The following MINDY3 variants were observed in gnomAD, a reference collection of about 807,000 sequenced individuals.
The protein encoded by MINDY3 is MINDY lysine 48 deubiquitinase 3.
Under a neutral mutation model 69.2 loss-of-function variants are expected in MINDY3, and 38 were observed. That is an observed-to-expected ratio of 0.55 (90% CI 0.42 to 0.72). MINDY3 has a LOEUF of 0.72. Among genes scored for constraint, MINDY3 ranks in the 30% least tolerant of loss-of-function variants. The pLI, the probability that MINDY3 is intolerant of heterozygous loss-of-function variation, is 0.00. For synonymous variants in MINDY3, 192 were observed against 180.1 expected (o/e 1.07, Z -0.53); for missense variants, 522 against 519.0 (o/e 1.01, Z -0.06).
At chr10:15,808,204 T>A (rs1420130404) in intron 10 of MINDY3, among the ~76,000 whole-genome samples, 1 of 152,190 alleles carries the variant, frequency 6.6e-6, no homozygotes, top group African/African-American at 2.4e-5. Flanking sequence ...ACAGAAGTTA[T>A]GATTAAACTA....
At chr10:15,789,909 G>A (rs1837284285) in intron 11 of MINDY3, among the ~76,000 whole-genome samples, 1 of 152,086 alleles carries the variant, frequency 6.6e-6, no homozygotes, top group Admixed American at 6.6e-5. Context: ...TATGGAAAAT[G>A]GTCCAAACTC....
chr10:15,803,996 C>T (rs762323705), intron 10 of MINDY3, among the ~76,000 whole-genome samples: 12 of 151,948 alleles, frequency 7.9e-5, no homozygotes, highest in Non-Finnish European at 1.3e-4. Flanking sequence ...AGGAAGAGAT[C>T]CTACACATGA....
intron 10 of MINDY3, among the ~76,000 whole-genome samples, chr10:15,811,170 AAAC>A (rs1236659431): frequency 6.6e-6 from 1 of 152,148 alleles, no homozygotes; most frequent in Non-Finnish European, 1.5e-5. Flanking sequence ...AGAAAAGAAA[AAAC>A]AACTCAATAA....
chr10:15,799,560 T>G lies in MINDY3; in HGVS notation c.883-3388A>C, dbSNP rs1401531555. ...GGGGGAGTAAAGACATCTTAATCACTTTTACAGATTTTACAAAGAATATAT... is the reference window on the plus strand; with the variant it reads ...GGGGGAGTAAAGACATCTTAATCACGTTTACAGATTTTACAAAGAATATAT... On this transcript the variant is annotated intron_variant, in intron 10 of 14. Coordinates refer to ENST00000277632, the MANE Select transcript of MINDY3 (RefSeq NM_024948.4). Among the ~76,000 whole-genome samples the G allele has an allele frequency of 3.3e-5, 5 of 152,052 alleles. No homozygotes were observed. In the East Asian group the frequency reaches 7.7e-4, roughly 23 times the overall value.
intron 9 of MINDY3, among the ~76,000 whole-genome samples, chr10:15,821,191 T>G (rs553759768): frequency 2.6e-4 from 40 of 152,292 alleles, no homozygotes; most frequent in Admixed American, 1.8e-3. Flanking sequence ...ATGCTTGAAA[T>G]TTTTTTCAGT....
Position 15,841,467 on chromosome 10 carries a change from G to C in MINDY3, c.368C>G (p.Ser123Cys), listed in dbSNP as rs765932558. 3 of 1,611,572 alleles carry C rather than the reference G, an allele frequency of 1.9e-6. No individual in the cohort carries two copies. In the Admixed American group the frequency reaches 5.0e-5, roughly 27 times the overall value. The change falls in exon 4 of 15, where the codon TCT becomes TGT. Residue 123 changes from serine to cysteine, a missense_variant. Coordinates refer to ENST00000277632, the MANE Select transcript of MINDY3 (RefSeq NM_024948.4). ...GCAACTAGACTCTGCAGGACTCCCA[G>C]AAATACTAGCAGTTTCCTCAGTTGT... The part of the protein sequence containing the change: ...GKTTEETASI[S>C]GSPAESSCQV...
Position 15,779,156 on chromosome 10 carries a change from A to G in MINDY3, c.1189-15T>C, listed in dbSNP as rs745982894. On this transcript the variant is annotated splice_polypyrimidine_tract_variant and intron_variant, in intron 14 of 14. Coordinates refer to ENST00000277632, the MANE Select transcript of MINDY3 (RefSeq NM_024948.4). The stretch of plus-strand genomic sequence containing the variant: ...ACGTACATGACCTGTTGAACAAAAT[A>G]AAGCCACCAAGGTCAAGCAACAGTC... 4 of 1,609,376 alleles carry G rather than the reference A, an allele frequency of 2.5e-6. No homozygotes were observed. The highest frequency in any genetic ancestry group is 1.7e-5 in the Admixed American group (1 of 59,464).
In MINDY3 at chr10:15,778,476, G is replaced by A. The variant is rs1481947676; in HGVS notation, c.*516C>T. ...CTTTTTGTGAACATGCCAGAGTTAA[G>A]TAAATTGTCAAAGGATCCAGGTTGA... On this transcript the variant is annotated 3_prime_UTR_variant, in exon 15 of 15. Coordinates refer to ENST00000277632, the MANE Select transcript of MINDY3 (RefSeq NM_024948.4). 6.6e-6 allele frequency: 1 copy of A among 152,330 alleles called. No homozygotes were observed. The highest frequency in any genetic ancestry group is 2.1e-4 in the South Asian group (1 of 4,840). 9.4% of individuals were successfully genotyped at this position (152,330 alleles called of 1,614,324 possible).
rs537013023 is a variant in MINDY3, at chr10:15,816,020, C to T, written c.882+815G>A. On this transcript the variant is annotated intron_variant, in intron 10 of 14. Coordinates refer to ENST00000277632, the MANE Select transcript of MINDY3 (RefSeq NM_024948.4). The stretch of plus-strand genomic sequence containing the variant: ...GTGGCTCACGCCTGTGATCCCAACA[C>T]TTTGGGAGGCAGAGGTGGGCAGATC... Among the ~76,000 whole-genome samples the T allele has an allele frequency of 2.6e-5, 4 of 151,990 alleles. No homozygotes were observed. The South Asian group carries it at 8.3e-4, about 32-fold the overall frequency.
At chr10:15,838,131 T>A (rs1014128571) in intron 5 of MINDY3, 97 bp downstream of exon 5, 29 of 1,356,008 alleles carry the variant, frequency 2.1e-5, no homozygotes, top group African/African-American at 4.5e-5. Context: ...AGTAGCGCAT[T>A]TCTATGTAAA....
At chr10:15,850,466 C>T (rs921527037) in intron 1 of MINDY3, among the ~76,000 whole-genome samples, 18 of 152,106 alleles carry the variant, frequency 1.2e-4, no homozygotes, top group African/African-American at 4.3e-4. Context: ...AGGAACAGCC[C>T]TGAGAAAGAG....
intron 8 of MINDY3, among the ~76,000 whole-genome samples, chr10:15,822,364 G>C (rs781452746): frequency 4.6e-5 from 7 of 152,172 alleles, no homozygotes; most frequent in Non-Finnish European, 7.4e-5. Flanking sequence ...TGGTATGAGA[G>C]TATCTGCCTA....
intron 10 of MINDY3, among the ~76,000 whole-genome samples, chr10:15,816,284 A>AAG (rs1839363382): frequency 2.8e-5 from 4 of 140,752 alleles, no homozygotes; most frequent in African/African-American, 9.5e-5. Flanking sequence ...AAAAAAATGA[A>AAG]AAAGAAAAAA....
chr10:15,829,148 C>T (rs1840288513), intron 8 of MINDY3, among the ~76,000 whole-genome samples: 2 of 151,978 alleles, frequency 1.3e-5, no homozygotes, highest in African/African-American at 4.8e-5. Context: ...AGGTAAAGCA[C>T]CATAGATGAT....
At chr10:15,806,962 G>C (rs1373435518) in intron 10 of MINDY3, among the ~76,000 whole-genome samples, 2 of 152,190 alleles carry the variant, frequency 1.3e-5, no homozygotes, top group Non-Finnish European at 2.9e-5. Flanking sequence ...AGGGAGGGAA[G>C]TAGTTAAATG....
chr10:15,830,105 T>C (rs898570841), intron 8 of MINDY3, among the ~76,000 whole-genome samples: 1 of 152,200 alleles, frequency 6.6e-6, no homozygotes, highest in Non-Finnish European at 1.5e-5. Flanking sequence ...GCTTGTTGAA[T>C]AAAGTAACAT....
chr10:15,853,594 T>C (rs1279737039), intron 1 of MINDY3, among the ~76,000 whole-genome samples: 1 of 152,116 alleles, frequency 6.6e-6, no homozygotes, highest in Non-Finnish European at 1.5e-5. Context: ...TTGAATACAA[T>C]GTCTTTTTAA....
rs1163669160 is a variant in MINDY3, at chr10:15,778,981, A to G, written c.*11T>C. On this transcript the variant is annotated 3_prime_UTR_variant, in exon 15 of 15. Transcript: ENST00000277632. ...TGTTATTAAGATCTTCCTTATAAAT[A>G]CTTAGACAAATTAATTTAGTGAAGG... is the stretch of plus-strand genomic sequence containing the variant. The G allele has an allele frequency of 6.2e-7, 1 of 1,610,086 alleles. No homozygotes were observed. Among genetic ancestry groups the G allele is most frequent in the African/African-American group, 1.3e-5 (1 of 74,784 alleles).
At chr10:15,818,325 A>G (rs999587733) in intron 9 of MINDY3, among the ~76,000 whole-genome samples, 1 of 151,958 alleles carries the variant, frequency 6.6e-6, no homozygotes, top group Non-Finnish European at 1.5e-5. Flanking sequence ...AGTAAAAAAA[A>G]AAAACAAACA....
Sources: allele counts gnomAD v4.1 joint callset (sites outside exome capture counted in the v4.1 genomes callset), GRCh38; gene constraint gnomAD v4.1.1; transcripts MANE v1.5; gene names NCBI Gene and HGNC (gene_info 2026-07-23, HGNC 2026-07-21).